Variants in LEKR1 observed in about 807,000 individuals in gnomAD.
LEKR1 encodes the protein leucine, glutamate and lysine rich 1.
In LEKR1, 59 loss-of-function variants were observed where a neutral mutation model predicts 72.4. The ratio of observed to expected loss-of-function variants is 0.82; its 90% CI spans 0.66 to 1.01. LEKR1 has a LOEUF of 1.01. Ranked by LOEUF, LEKR1 falls within the 50% of genes least tolerant of loss-of-function variation. LEKR1 has a pLI of 0.00. For missense variants in LEKR1, 728 were observed against 759.2 expected (o/e 0.96, Z 0.48); for synonymous variants, 257 against 263.2 (o/e 0.98, Z 0.23).
At chr3:156,922,885 T>C (rs1326704293) in intron 4 of LEKR1, among the ~76,000 whole-genome samples, 1 of 152,216 alleles carries the variant, frequency 6.6e-6, no homozygotes, top group African/African-American at 2.4e-5. Flanking sequence ...AGGATTACTA[T>C]TGTGAATCTT....
chr3:156,934,340 A>G (rs1454823075), intron 5 of LEKR1, among the ~76,000 whole-genome samples: 1 of 152,178 alleles, frequency 6.6e-6, no homozygotes, highest in Non-Finnish European at 1.5e-5. Flanking sequence ...AAGTAACAGT[A>G]CACCCACATT....
chr3:156,842,887 A>G (rs1461353124), intron 2 of LEKR1, among the ~76,000 whole-genome samples: 1 of 152,194 alleles, frequency 6.6e-6, no homozygotes. Flanking sequence ...TCAGACTTCC[A>G]TCTTCTTAAG....
At position 156,849,455 on chromosome 3, in the gene LEKR1, C is replaced by T. The variant is rs1270352013; in HGVS notation, c.49-3313C>T. ...AAAAGAGCCCACATTGCCAAGTCAACCCTAAGCCAAAAGAACAAAGCTGGA... is the reference window on the plus strand; with the variant it reads ...AAAAGAGCCCACATTGCCAAGTCAATCCTAAGCCAAAAGAACAAAGCTGGA... On this transcript the variant is annotated intron_variant, in intron 2 of 12. Transcript: ENST00000356539. Among the ~76,000 whole-genome samples the T allele has an allele frequency of 1.6e-4, 24 of 152,012 alleles. No homozygotes were observed. The East Asian group carries it at 3.9e-3, about 25-fold the overall frequency.
intron 3 of LEKR1, among the ~76,000 whole-genome samples, chr3:156,888,057 A>G (rs1720285446): frequency 6.6e-6 from 1 of 152,130 alleles, no homozygotes; most frequent in African/African-American, 2.4e-5. Flanking sequence ...CACCCTTTCA[A>G]TATGTAATGT....
intron 6 of LEKR1, among the ~76,000 whole-genome samples, chr3:156,973,700 G>C (rs755694386): frequency 2.6e-5 from 4 of 152,054 alleles, no homozygotes; most frequent in Non-Finnish European, 2.9e-5. Context: ...AATTGGAATG[G>C]ATAGAAAAGA....
At chr3:156,899,585 T>TGTATATATACATATAC (rs1721722368) in intron 3 of LEKR1, among the ~76,000 whole-genome samples, 1 of 110,578 alleles carries the variant, frequency 9.0e-6, no homozygotes, top group Non-Finnish European at 1.9e-5. Flanking sequence ...TACATATACA[T>TGTATATATACATATAC]GTATATATAC....
At position 156,970,341 on chromosome 3, in the gene LEKR1, C is replaced by T. The variant is rs898632862; in HGVS notation, c.746-8853C>T. ...AAGAGCTCTTTAGTTTAATTAGATC[C>T]CATTTGTCAATTTTGTCTTTTGTTG... On this transcript the variant is annotated intron_variant, in intron 6 of 12. Coordinates refer to ENST00000356539, the MANE Select transcript of LEKR1 (RefSeq NM_001004316.3). Among the ~76,000 whole-genome samples, 11 of 152,206 alleles carry T rather than the reference C, an allele frequency of 7.2e-5. No homozygotes were observed. In the East Asian group the frequency reaches 2.1e-3, roughly 29 times the overall value.
At chr3:156,900,249 G>A (rs986482993) in intron 3 of LEKR1, among the ~76,000 whole-genome samples, 6 of 152,088 alleles carry the variant, frequency 3.9e-5, no homozygotes, top group African/African-American at 1.2e-4. Context: ...AGATTCTTAC[G>A]TAAAATCTCT....
chr3:156,886,992 G>T (rs889299514), intron 3 of LEKR1, among the ~76,000 whole-genome samples: 1 of 152,102 alleles, frequency 6.6e-6, no homozygotes, highest in African/African-American at 2.4e-5. Context: ...CATCCATGTG[G>T]GAGCTACACA....
At chr3:157,008,325 G>A (rs1732625684) in intron 9 of LEKR1, among the ~76,000 whole-genome samples, 1 of 152,050 alleles carries the variant, frequency 6.6e-6, no homozygotes, top group South Asian at 2.1e-4. Flanking sequence ...GCTTCACCTC[G>A]GTTTTTACCT....
At chr3:156,966,805 G>A (rs949913412) in intron 6 of LEKR1, among the ~76,000 whole-genome samples, 5 of 152,190 alleles carry the variant, frequency 3.3e-5, no homozygotes, top group East Asian at 1.9e-4. Context: ...CGCAGCTGGA[G>A]ATCTGAGAAT....
intron 11 of LEKR1, among the ~76,000 whole-genome samples, chr3:157,027,109 T>C (rs1734239340): frequency 6.6e-6 from 1 of 152,168 alleles, no homozygotes; most frequent in South Asian, 2.1e-4. Context: ...TTTCAGGTGC[T>C]CAATAGTCAA....
intron 5 of LEKR1, among the ~76,000 whole-genome samples, chr3:156,940,417 C>T (rs1233555667): frequency 6.6e-6 from 1 of 152,116 alleles, no homozygotes; most frequent in Non-Finnish European, 1.5e-5. Flanking sequence ...GGACCTTCTT[C>T]ATGGGATGGT....
intron 7 of LEKR1, among the ~76,000 whole-genome samples, chr3:156,986,766 A>G (rs1031492697): frequency 3.3e-5 from 5 of 152,174 alleles, no homozygotes; most frequent in African/African-American, 1.2e-4. Flanking sequence ...TTCTTTGAGG[A>G]GTGCACAAGA....
At chr3:156,981,372 G>A (rs1730185524) in intron 7 of LEKR1, among the ~76,000 whole-genome samples, 1 of 152,106 alleles carries the variant, frequency 6.6e-6, no homozygotes. Context: ...TGGAGATGCA[G>A]GGAGAAATAC....
chr3:157,009,241 A>G (rs555702510), intron 9 of LEKR1, among the ~76,000 whole-genome samples: 3 of 152,254 alleles, frequency 2.0e-5, no homozygotes, highest in South Asian at 4.1e-4. Context: ...AACTCAAACT[A>G]TCCAAAACAT....
chr3:156,848,192 G>T (rs1436089776), intron 2 of LEKR1, among the ~76,000 whole-genome samples: 7 of 152,146 alleles, frequency 4.6e-5, no homozygotes, highest in Admixed American at 4.6e-4. Flanking sequence ...AATTAGTTCA[G>T]ATTTATTGAC....
intron 6 of LEKR1, among the ~76,000 whole-genome samples, chr3:156,943,050 C>T (rs1395789930): frequency 6.6e-6 from 1 of 151,906 alleles, no homozygotes; most frequent in Non-Finnish European, 1.5e-5. Context: ...GAATTGCAGG[C>T]AGTCCTTCAT....
intron 3 of LEKR1, among the ~76,000 whole-genome samples, chr3:156,893,837 T>C (rs947709901): frequency 2.0e-5 from 3 of 152,200 alleles, no homozygotes; most frequent in East Asian, 3.8e-4. Context: ...TCTTCTCCCA[T>C]AGTCAAAGAA....
Sources: allele counts gnomAD v4.1 joint callset (sites outside exome capture counted in the v4.1 genomes callset), GRCh38; gene constraint gnomAD v4.1.1; transcripts MANE v1.5; gene names NCBI Gene and HGNC (gene_info 2026-07-23, HGNC 2026-07-21).